The following PIK3C2G variants were observed in gnomAD, a reference collection of about 807,000 sequenced individuals.
PIK3C2G encodes phosphatidylinositol 3-kinase C2 domain-containing subunit gamma.
A neutral mutation model predicts 181.1 loss-of-function variants in PIK3C2G; 168 were observed. The ratio of observed to expected loss-of-function variants is 0.93; its 90% CI spans 0.82 to 1.05. PIK3C2G has a LOEUF of 1.05. PIK3C2G is among the 50% of genes least tolerant of loss of function. PIK3C2G has a pLI of 0.00. For missense variants in PIK3C2G, 1,869 were observed against 1,732.8 expected (o/e 1.08, Z -1.40); for synonymous variants, 573 against 592.2 (o/e 0.97, Z 0.47).
At chr12:18,387,680 T>C (rs1943264188) in intron 14 of PIK3C2G, among the ~76,000 whole-genome samples, 1 of 152,174 alleles carries the variant, frequency 6.6e-6, no homozygotes, top group Admixed American at 6.5e-5. Flanking sequence ...GTTCACGTAA[T>C]ACCCAATAGC....
At chr12:18,262,082 C>T (rs932375642) in intron 1 of PIK3C2G, among the ~76,000 whole-genome samples, 4 of 152,044 alleles carry the variant, frequency 2.6e-5, no homozygotes, top group Non-Finnish European at 5.9e-5. Flanking sequence ...AAACTAGAAG[C>T]AACTCCTGCT....
At chr12:18,711,344 T>C in the PIK3C2G span, among the ~76,000 whole-genome samples, 5 of 115,794 alleles carry the variant, frequency 4.3e-5, no homozygotes, top group African/African-American at 6.9e-5. Context: ...TGAGAACACA[T>C]GGACACAGGA....
At chr12:18,512,285 T>C (rs1211507895) in intron 24 of PIK3C2G, among the ~76,000 whole-genome samples, 1 of 151,990 alleles carries the variant, frequency 6.6e-6, no homozygotes, top group Non-Finnish European at 1.5e-5. Flanking sequence ...CAAGATTGTT[T>C]TGGCTGCTTG....
intron 26 of PIK3C2G, among the ~76,000 whole-genome samples, chr12:18,550,642 C>A (rs1341745392): frequency 6.6e-6 from 1 of 151,968 alleles, no homozygotes; most frequent in Non-Finnish European, 1.5e-5. Flanking sequence ...ATATGAGCCC[C>A]TCTATATTTA....
At chr12:18,642,851 CAT>C (rs199719083) in intron 32 of PIK3C2G, among the ~76,000 whole-genome samples, 11 of 143,242 alleles carry the variant, frequency 7.7e-5, no homozygotes, top group Admixed American at 2.1e-4. Context: ...GTATATACTG[CAT>C]ATATATATAG....
At chr12:18,683,151 T>G in the PIK3C2G span, 1 of 1,130,048 alleles carries the variant, frequency 8.8e-7, no homozygotes, top group African/African-American at 1.6e-5. Context: ...TTATTTTTCT[T>G]TATGTTTAAA....
intron 5 of PIK3C2G, among the ~76,000 whole-genome samples, chr12:18,311,837 C>G (rs567570323): frequency 3.3e-5 from 5 of 152,144 alleles, no homozygotes; most frequent in Admixed American, 6.5e-5. Flanking sequence ...AATAGGCCAT[C>G]TGCAAGCTAA....
intron 18 of PIK3C2G, among the ~76,000 whole-genome samples, chr12:18,464,807 C>A (rs1472101092): frequency 6.6e-6 from 1 of 151,948 alleles, no homozygotes; most frequent in Non-Finnish European, 1.5e-5. Context: ...TTATTGTACT[C>A]TGTAGTATAA....
At chr12:18,381,261 A>G (rs1592115267) in intron 13 of PIK3C2G, among the ~76,000 whole-genome samples, 1 of 152,140 alleles carries the variant, frequency 6.6e-6, no homozygotes, top group African/African-American at 2.4e-5. Flanking sequence ...AAGCCCCACA[A>G]CTATTTTTAT....
chr12:18,312,984 C>T lies in PIK3C2G; in HGVS notation c.1035-978C>T, dbSNP rs1950702666. On this transcript the variant is annotated intron_variant, in intron 5 of 32. Transcript: ENST00000538779. ...CTATGCCAACTATTTACTGAATTTT[C>T]CATATAAGTAAAATTATCATCTTAA... is the stretch of plus-strand genomic sequence containing the variant. Among the ~76,000 whole-genome samples, 4 of 152,086 alleles carry T rather than the reference C, an allele frequency of 2.6e-5. No homozygotes were observed. In the South Asian group the frequency reaches 8.3e-4, roughly 32 times the overall value.
intron 29 of PIK3C2G, among the ~76,000 whole-genome samples, chr12:18,571,021 C>T (rs888260180): frequency 2.7e-5 from 4 of 150,612 alleles, no homozygotes; most frequent in Non-Finnish European, 5.9e-5. Flanking sequence ...ATTTAAAATT[C>T]GACTCCCTTC....
chr12:18,406,317 T>G (rs144770893), intron 16 of PIK3C2G, among the ~76,000 whole-genome samples: 39 of 152,300 alleles, frequency 2.6e-4, no homozygotes, highest in Non-Finnish European at 4.3e-4. Context: ...TCTTGGCTAT[T>G]GTAAATAATG....
intron 11 of PIK3C2G, among the ~76,000 whole-genome samples, chr12:18,361,638 T>G (rs1039556658): frequency 2.0e-5 from 3 of 152,172 alleles, no homozygotes; most frequent in Non-Finnish European, 4.4e-5. Context: ...AAATTCCCAA[T>G]TAGAGGGATT....
intron 1 of PIK3C2G, among the ~76,000 whole-genome samples, chr12:18,263,122 G>C (rs759302629): frequency 6.6e-6 from 1 of 151,934 alleles, no homozygotes; most frequent in African/African-American, 2.4e-5. Context: ...GTGTATCTTT[G>C]AATTTCTTAT....
At chr12:18,346,364 C>G (rs1764816117) in intron 10 of PIK3C2G, among the ~76,000 whole-genome samples, 1 of 152,098 alleles carries the variant, frequency 6.6e-6, no homozygotes, top group Admixed American at 6.6e-5. Flanking sequence ...ATCAGAATGT[C>G]AAATTAATAA....
the PIK3C2G span, among the ~76,000 whole-genome samples, chr12:18,710,445 G>C: frequency 6.6e-6 from 1 of 151,802 alleles, no homozygotes; most frequent in Non-Finnish European, 1.5e-5. Flanking sequence ...AGTTAAAATA[G>C]GTAATGAAAA....
intron 31 of PIK3C2G, among the ~76,000 whole-genome samples, chr12:18,611,486 A>T (rs1274921309): frequency 2.0e-5 from 3 of 151,966 alleles, no homozygotes; most frequent in Non-Finnish European, 4.4e-5. Flanking sequence ...AACATTACTT[A>T]CTTGTTTTTC....
the PIK3C2G span, among the ~76,000 whole-genome samples, chr12:18,722,834 C>T: frequency 6.6e-6 from 1 of 151,800 alleles, no homozygotes; most frequent in Non-Finnish European, 1.5e-5. Flanking sequence ...TATTTATAAA[C>T]AAAGTAAAAT....
intron 18 of PIK3C2G, among the ~76,000 whole-genome samples, chr12:18,438,779 G>T (rs1303909482): frequency 7.3e-5 from 11 of 151,686 alleles, no homozygotes; most frequent in Non-Finnish European, 1.5e-4. Flanking sequence ...TTCAACTCAG[G>T]CCTCTCCTAA....
Sources: gnomAD v4.1 joint callset for allele counts (sites outside exome capture counted in the v4.1 genomes callset) on GRCh38, gnomAD v4.1.1 for gene constraint, MANE v1.5 for transcripts, NCBI Gene and HGNC (gene_info 2026-07-23, HGNC 2026-07-21) for gene names.